TMEM221: variants seen among roughly 807,000 people sequenced by gnomAD.
TMEM221 encodes the protein Putative transmembrane protein ENSP00000342162.
In TMEM221, 11 loss-of-function variants were observed where a neutral mutation model predicts 10.2. The observed-to-expected ratio is 1.08, with a 90% CI of 0.68 to 1.79. TMEM221 has a LOEUF of 1.79. Among genes scored for constraint, TMEM221 ranks in the 40% most tolerant of loss-of-function variants. The pLI is 0.00. For missense variants in TMEM221, 382 were observed against 417.7 expected (o/e 0.91, Z 0.75); for synonymous variants, 172 against 199.8 (o/e 0.86, Z 1.18).
In TMEM221 at chr19:17,445,265, C is replaced by A; in HGVS notation, c.340G>T (p.Asp114Tyr). The stretch of plus-strand genomic sequence containing the variant: ...GCCACATGTCTGAGGAGGCGGCAGT[C>A]GTAGAGAAACCAGTCAGACCTGGAA... ...GPRRSDWFLY[D>Y]CRLLRHVALG... The change falls in exon 2 of 3, where the codon GAC becomes TAC. Residue 114 changes from aspartate (D) to tyrosine (Y), a missense_variant. Coordinates refer to ENST00000341130, the MANE Select transcript of TMEM221 (RefSeq NM_001190844.2). 1.3e-6 allele frequency: 2 copies of A among 1,535,572 alleles called. No individual in the cohort carries two copies. Among genetic ancestry groups the A allele is most frequent in the South Asian group, 2.4e-5 (2 of 83,990 alleles).
At position 17,436,342 on chromosome 19, in the gene TMEM221, C is replaced by T; in HGVS notation, c.*116G>A. On this transcript the variant is annotated 3_prime_UTR_variant, in exon 3 of 3. Coordinates refer to ENST00000341130, the MANE Select transcript of TMEM221 (RefSeq NM_001190844.2). Reference sequence around the variant, plus strand: ...CACGAGGCAACCTTGAGGACAAAAGCCAAGGATGCAATAAAATGAGAGAAA... The same window carrying T: ...CACGAGGCAACCTTGAGGACAAAAGTCAAGGATGCAATAAAATGAGAGAAA... 2.8e-6 allele frequency: 3 copies of T among 1,055,994 alleles called. No homozygotes were observed. Among genetic ancestry groups the T allele is most frequent in the Non-Finnish European group, 3.9e-6 (3 of 770,850 alleles). The allele number at this position is 1,055,994 out of a possible 1,614,324, so 65.4% of individuals were successfully genotyped here. A position where few individuals can be genotyped will look rare whatever the true frequency, so the allele number is the denominator to read the frequency against.
rs975575001 is a variant in TMEM221 at position 17,448,437 on chromosome 19, A to C, written c.26T>G (p.Val9Gly). Reference protein sequence around the residue: MARSYGGRVLAAMTLLGIA... With the variant: MARSYGGRGLAAMTLLGIA... ...GCCCAGCAGGGTCATTGCAGCCAGC[A>C]CCCGGCCGCCGTAAGAACGGGCCAT... Residue 9 changes from valine to glycine, a missense_variant, in exon 1 of 3, where the codon GTG (valine) becomes GGG (glycine). By Grantham distance (109) the Val-to-Gly change is moderately radical. Transcript: ENST00000341130. The surrounding 1 kb of genome is among the most constrained non-coding windows in gnomAD (Gnocchi z 4.7). 4 of 1,480,668 alleles carry C rather than the reference A, an allele frequency of 2.7e-6. No individual in the cohort carries two copies. The highest frequency in any genetic ancestry group is 3.6e-6 in the Non-Finnish European group (4 of 1,122,502). The allele number at this position is 1,480,668 out of a possible 1,614,324, so 91.7% of individuals were successfully genotyped here. A position where few individuals can be genotyped will look rare whatever the true frequency, so the allele number is the denominator to read the frequency against.
intron 1 of TMEM221, among the ~76,000 whole-genome samples, chr19:17,445,652 A>AT (rs1246786360): frequency 5.6e-5 from 8 of 141,674 alleles, no homozygotes; most frequent in Non-Finnish European, 7.9e-5. Flanking sequence ...CCACCCACTT[A>AT]CCCATCCATC....
intron 2 of TMEM221, among the ~76,000 whole-genome samples, chr19:17,440,293 C>A (rs2074926861): frequency 1.4e-5 from 2 of 141,948 alleles, no homozygotes; most frequent in African/African-American, 5.3e-5. Context: ...GTGGCGCAAT[C>A]TCGGCTCACT....
Position 17,448,349 on chromosome 19 carries a change from G to T in TMEM221, c.114C>A (p.Arg38=). The change falls in exon 1 of 3, where the codon CGC becomes CGA. Residue 38 remains arginine (R), a synonymous_variant. Transcript: ENST00000341130. This position sits in a 1 kb window ranked among gnomAD's most constrained non-coding sequence, Gnocchi z 4.7. ...CGGCGCGCAGCCCCCGCAGCTCGGC[G>T]CGGCCCGCCTGCAGCTGAAACAGCA... is the stretch of plus-strand genomic sequence containing the variant. The part of the protein sequence containing the change: ...AQLLFQLQAG[R]AELRGLRAEG... 1 of 1,349,954 alleles carries T rather than the reference G, an allele frequency of 7.4e-7. No individual in the cohort carries two copies. The highest frequency in any genetic ancestry group is 9.5e-7 in the Non-Finnish European group (1 of 1,052,164). The allele number at this position is 1,349,954 out of a possible 1,614,324, so 83.6% of individuals were successfully genotyped here.
rs554507363 is a variant in TMEM221, at chr19:17,445,233, G to T, written c.372C>A (p.Gly124=). Residue 124 remains glycine, a synonymous_variant, in exon 2 of 3, where the codon GGC becomes GGA. Coordinates refer to ENST00000341130, the MANE Select transcript of TMEM221 (RefSeq NM_001190844.2). ...DCRLLRHVAL[G]LFCCGISVYL... is the part of the protein sequence containing the mutation. The stretch of plus-strand genomic sequence containing the variant: ...AGACGGAGATCCCACAGCAGAAAAG[G>T]CCAAGGGCCACATGTCTGAGGAGGC... 3 of 1,536,002 alleles carry T rather than the reference G, an allele frequency of 2.0e-6. No individual in the cohort carries two copies. In the South Asian group the frequency reaches 3.6e-5, roughly 18 times the overall value.
chr19:17,446,212 C>T (rs1209231885), intron 1 of TMEM221, among the ~76,000 whole-genome samples: 2 of 152,098 alleles, frequency 1.3e-5, no homozygotes, highest in African/African-American at 2.4e-5. Context: ...ATCTATCCAT[C>T]CATCCATTCA....
rs1450832706 is a variant in TMEM221 at position 17,436,260 on chromosome 19, C to A, written c.*198G>T. On this transcript the variant is annotated 3_prime_UTR_variant, in exon 3 of 3. Coordinates refer to ENST00000341130, the MANE Select transcript of TMEM221 (RefSeq NM_001190844.2). ...GGAGACACCTAGCCAGCGCTGGCCT[C>A]TGACTTTCCCTCAGAATGAGGAGGT... The A allele has an allele frequency of 1.7e-6, 1 of 574,540 alleles. No homozygotes were observed. The highest frequency in any genetic ancestry group is 3.4e-5 in the Admixed American group (1 of 29,844). 35.6% of individuals were successfully genotyped at this position (574,540 alleles called of 1,614,324 possible).
At chr19:17,445,763 C>T (rs577653679) in intron 1 of TMEM221, among the ~76,000 whole-genome samples, 122 of 152,058 alleles carry the variant, frequency 8.0e-4, no homozygotes, top group Non-Finnish European at 1.3e-3. Context: ...CTCATCCATC[C>T]ATCCACTTAT....
Position 17,448,129 on chromosome 19 carries a change from GC to G in TMEM221, c.320+13del. 7.3e-7 allele frequency: 1 copy of G among 1,370,014 alleles called. No homozygotes were observed. Among genetic ancestry groups the G allele is most frequent in the South Asian group, 1.6e-5 (1 of 60,922 alleles). 84.9% of individuals were successfully genotyped at this position (1,370,014 alleles called of 1,614,324 possible). A position where few individuals can be genotyped will look rare whatever the true frequency, so the allele number is the denominator to read the frequency against. ...CCAGCCGGGCCTCCGAGGCGGTGAG[GC>G]CAGTCCTCCTACCTCCTGGGGCCAG... is the stretch of plus-strand genomic sequence containing the variant. On this transcript the variant is annotated intron_variant, in intron 1 of 2. Transcript: ENST00000341130. The surrounding 1 kb of genome is among the most constrained non-coding windows in gnomAD (Gnocchi z 4.7).
intron 2 of TMEM221, among the ~76,000 whole-genome samples, chr19:17,443,118 A>G (rs1346737213): frequency 6.6e-6 from 1 of 151,490 alleles, no homozygotes; most frequent in African/African-American, 2.4e-5. Context: ...CGTCTCTACT[A>G]AAAATACAAA....
Position 17,436,863 on chromosome 19 carries a change from G to A in TMEM221, c.471C>T (p.Leu157=), listed in dbSNP as rs947015243. The A allele has an allele frequency of 6.2e-6, 9 of 1,451,778 alleles. No homozygotes were observed. The highest frequency in any genetic ancestry group is 5.0e-5 in the East Asian group (2 of 39,990). 89.9% of individuals were successfully genotyped at this position (1,451,778 alleles called of 1,614,324 possible). ...CCACCAGAACCAGGGTGCCCGAGCC[G>A]AGGATGGAAGCAGCTGCTGCGCCTG... is the stretch of plus-strand genomic sequence containing the variant. The part of the protein sequence containing the change: ...IETGAAAASI[L]GSGTLVLVAV... The change falls in exon 3 of 3, where the codon CTC becomes CTT. Residue 157 remains leucine (L), a synonymous_variant. Transcript: ENST00000341130.
At position 17,436,655 on chromosome 19, in the gene TMEM221, C is replaced by T. The variant is rs868767100; in HGVS notation, c.679G>A (p.Gly227Arg). Residue 227 changes from glycine to arginine, a missense_variant, in exon 3 of 3, where the codon GGG (glycine) becomes AGG (arginine). Transcript: ENST00000341130. ...RTPYSTCPEP[G>R]DPFGSMATAT... is the part of the protein sequence containing the mutation. ...GTGGCCATGGACCCAAAGGGGTCCC[C>T]AGGCTCTGGACAGGTTGAATAGGGG... The T allele has an allele frequency of 5.2e-6, 8 of 1,535,892 alleles. No homozygotes were observed. In the African/African-American group the frequency reaches 8.2e-5, roughly 16 times the overall value.
At chr19:17,445,377 G>T in intron 1 of TMEM221, 93 bp from the exon 2 acceptor site, 1 of 1,074,990 alleles carries the variant, frequency 9.3e-7, no homozygotes, top group Non-Finnish European at 1.3e-6. Flanking sequence ...CCGCTTAAAT[G>T]AGACAAGGAC....
rs1452268128 is a variant in TMEM221 at position 17,448,343 on chromosome 19, C to T, written c.120G>A (p.Glu40=). The change falls in exon 1 of 3, where the codon GAG becomes GAA. Residue 40 remains glutamate, a synonymous_variant. Coordinates refer to ENST00000341130, the MANE Select transcript of TMEM221 (RefSeq NM_001190844.2). This position sits in a 1 kb window ranked among gnomAD's most constrained non-coding sequence, Gnocchi z 4.7. ...LLFQLQAGRA[E]LRGLRAEGLG... ...GCCCCTCGGCGCGCAGCCCCCGCAG[C>T]TCGGCGCGGCCCGCCTGCAGCTGAA... The T allele has an allele frequency of 8.2e-6, 11 of 1,334,544 alleles. No individual in the cohort carries two copies. In the South Asian group the frequency reaches 1.6e-4, roughly 20 times the overall value. 82.7% of individuals were successfully genotyped at this position (1,334,544 alleles called of 1,614,324 possible).
At chr19:17,439,229 T>C (rs965929571) in intron 2 of TMEM221, among the ~76,000 whole-genome samples, 1 of 140,616 alleles carries the variant, frequency 7.1e-6, no homozygotes, top group African/African-American at 2.6e-5. Flanking sequence ...AAAGCCTCCC[T>C]GTTGGTGGAA....
At chr19:17,439,416 A>C (rs2074922874) in intron 2 of TMEM221, among the ~76,000 whole-genome samples, 1 of 151,450 alleles carries the variant, frequency 6.6e-6, no homozygotes. Flanking sequence ...GGCCGGGCGC[A>C]GTGGCTCATG....
chr19:17,443,303 C>A lies in TMEM221; in HGVS notation c.406+1896G>T, dbSNP rs115804668. 5.3e-3 allele frequency among the ~76,000 whole-genome samples: 722 copies of A among 135,406 alleles called. 3 individuals are homozygous for A. The highest frequency in any genetic ancestry group is 0.018 in the African/African-American group (693 of 38,090). The allele number at this position is 135,406 out of a possible 152,430, so 88.8% of individuals were successfully genotyped here. ...ATCAAAAAAAATTTTTTTAATATAT[C>A]TTTTTAAACATTTATTTATTTATTT... On this transcript the variant is annotated intron_variant, in intron 2 of 2. Transcript: ENST00000341130.
intron 1 of TMEM221, among the ~76,000 whole-genome samples, chr19:17,447,038 A>T (rs2144506451): frequency 6.6e-6 from 1 of 151,954 alleles, no homozygotes; most frequent in Non-Finnish European, 1.5e-5. Flanking sequence ...CCTGGCCAAC[A>T]TGGTGAAACC....
Sources: allele counts gnomAD v4.1 joint callset (sites outside exome capture counted in the v4.1 genomes callset), GRCh38; gene constraint gnomAD v4.1.1; non-coding constraint Gnocchi (gnomAD v3.1); transcripts MANE v1.5; gene names NCBI Gene and HGNC (gene_info 2026-07-23, HGNC 2026-07-21).